Variants in RALGAPA2 observed in about 807,000 individuals in gnomAD.
The protein encoded by RALGAPA2 is ral GTPase-activating protein subunit alpha-2.
A neutral mutation model predicts 230.4 loss-of-function variants in RALGAPA2; 139 were observed. The observed-to-expected ratio is 0.60, with a 90% CI of 0.53 to 0.69. The LOEUF is 0.69. RALGAPA2 is among the 30% of genes least tolerant of loss of function. RALGAPA2 has a pLI of 0.00. For synonymous variants in RALGAPA2, 847 were observed against 837.8 expected, an observed-to-expected ratio of 1.01 and a Z score of -0.19; for missense variants, 2,163 against 2,276.0, an observed-to-expected ratio of 0.95 and a Z score of 1.01.
Position 20,524,864 on chromosome 20 carries a change from C to G in RALGAPA2, c.3728G>C (p.Ser1243Thr), listed in dbSNP as rs1200016600. 6.2e-7 allele frequency: 1 copy of G among 1,610,928 alleles called. No homozygotes were observed. The highest frequency in any genetic ancestry group is 8.5e-7 in the Non-Finnish European group (1 of 1,178,510). ...LVATVAFLLP[S>T]AEYSSVETDK... ...TGTTTCCACTGAGGAGTACTCTGCA[C>G]TTGGTAAAAGAAAAGCAACTGTGGC... Residue 1243 changes from serine (S) to threonine (T), a missense_variant, in exon 29 of 40, where the codon AGT becomes ACT. By Grantham distance (58) the Ser-to-Thr change is moderately conservative. Coordinates refer to ENST00000202677, the MANE Select transcript of RALGAPA2 (RefSeq NM_020343.4).
chr20:20,448,085 A>G (rs552965649), intron 37 of RALGAPA2, among the ~76,000 whole-genome samples: 3 of 152,348 alleles, frequency 2.0e-5, no homozygotes, highest in South Asian at 4.1e-4. Flanking sequence ...TGAGAACACA[A>G]ATATAGTCCC....
intron 6 of RALGAPA2, 34 bp downstream of exon 6, chr20:20,640,667 A>C: frequency 1.9e-6 from 3 of 1,559,780 alleles, no homozygotes; most frequent in Non-Finnish European, 2.6e-6. Flanking sequence ...TTCAAGAGTA[A>C]TTTCAACATG....
chr20:20,427,125 A>C (rs928070), intron 37 of RALGAPA2, among the ~76,000 whole-genome samples: 91,796 of 151,926 alleles, frequency 0.6, 27,716 homozygotes, highest in African/African-American at 0.64. Context: ...AGTGAGGCCA[A>C]AACTAGCAGA....
intron 1 of RALGAPA2, among the ~76,000 whole-genome samples, chr20:20,703,982 AC>A (rs769126499): frequency 6.6e-6 from 1 of 152,228 alleles, no homozygotes; most frequent in Non-Finnish European, 1.5e-5. Flanking sequence ...AGGAAAAAAA[AC>A]AAAGCCTTCC....
chr20:20,500,044 T>C (rs890766089), intron 35 of RALGAPA2, among the ~76,000 whole-genome samples: 16 of 152,226 alleles, frequency 1.1e-4, no homozygotes, highest in African/African-American at 3.9e-4. Context: ...TTACCATATG[T>C]ATATTAATAA....
At chr20:20,473,694 T>C (rs1052367474) in intron 36 of RALGAPA2, among the ~76,000 whole-genome samples, 8 of 152,224 alleles carry the variant, frequency 5.3e-5, no homozygotes, top group African/African-American at 7.2e-5. Context: ...ATTTCTGTTA[T>C]GTGGAAAACT....
intron 39 of RALGAPA2, among the ~76,000 whole-genome samples, chr20:20,393,947 G>T (rs906148612): frequency 6.6e-6 from 1 of 152,278 alleles, no homozygotes; most frequent in Middle Eastern, 3.4e-3. Flanking sequence ...GCACCGTTCT[G>T]CGAGCGAGAG....
intron 37 of RALGAPA2, among the ~76,000 whole-genome samples, chr20:20,440,617 G>A (rs902629046): frequency 6.6e-6 from 1 of 152,136 alleles, no homozygotes; most frequent in African/African-American, 2.4e-5. Flanking sequence ...AAGAAAGCCC[G>A]CGCTCTGGTT....
In RALGAPA2 at chr20:20,505,547, A is replaced by C; in HGVS notation, c.4929-13T>G. On this transcript the variant is annotated splice_polypyrimidine_tract_variant and intron_variant, in intron 33 of 39. Coordinates refer to ENST00000202677, the MANE Select transcript of RALGAPA2 (RefSeq NM_020343.4). Reference sequence around the variant, plus strand: ...GTGTGTCTCACGGCTATAAATTTTTAAATTTAAAGGAGTTAGAATTCTTAT... The same window carrying C: ...GTGTGTCTCACGGCTATAAATTTTTCAATTTAAAGGAGTTAGAATTCTTAT... 1.3e-6 allele frequency: 2 copies of C among 1,549,072 alleles called. No individual in the cohort carries two copies. Among genetic ancestry groups the C allele is most frequent in the Non-Finnish European group, 1.7e-6 (2 of 1,151,204 alleles).
intron 23 of RALGAPA2, among the ~76,000 whole-genome samples, chr20:20,548,518 C>G (rs2063835011): frequency 6.6e-6 from 1 of 151,720 alleles, no homozygotes; most frequent in African/African-American, 2.4e-5. Flanking sequence ...GACTTTTTTC[C>G]TACATCAGAA....
intron 37 of RALGAPA2, among the ~76,000 whole-genome samples, chr20:20,464,799 C>A (rs1189556098): frequency 1.3e-5 from 2 of 151,764 alleles, no homozygotes; most frequent in Non-Finnish European, 2.9e-5. Context: ...CACAAAACAC[C>A]CAGTAAGAAG....
At chr20:20,642,363 A>C (rs1440204123) in intron 5 of RALGAPA2, among the ~76,000 whole-genome samples, 38 of 151,938 alleles carry the variant, frequency 2.5e-4, no homozygotes, top group Admixed American at 2.5e-3. Context: ...GGCGTATGCC[A>C]CCATGCCCGG....
At chr20:20,650,287 C>T (rs1175405160) in intron 4 of RALGAPA2, among the ~76,000 whole-genome samples, 1 of 152,184 alleles carries the variant, frequency 6.6e-6, no homozygotes, top group African/African-American at 2.4e-5. Context: ...TCTCTGTTTT[C>T]TACAGACAAA....
chr20:20,565,123 C>T (rs1277106277), intron 23 of RALGAPA2, among the ~76,000 whole-genome samples: 1 of 152,146 alleles, frequency 6.6e-6, no homozygotes, highest in Non-Finnish European at 1.5e-5. Context: ...AAATCACTTG[C>T]TGTACAGAAT....
At chr20:20,641,584 T>TA (rs1272609063) in intron 5 of RALGAPA2, among the ~76,000 whole-genome samples, 1 of 152,014 alleles carries the variant, frequency 6.6e-6, no homozygotes, top group East Asian at 1.9e-4. Context: ...TCTTTACACT[T>TA]CAAATTTATC....
intron 37 of RALGAPA2, among the ~76,000 whole-genome samples, chr20:20,455,730 C>G (rs577376142): frequency 6.6e-6 from 1 of 152,260 alleles, no homozygotes; most frequent in East Asian, 1.9e-4. Flanking sequence ...AAAGCTGATG[C>G]CTTCCCCTAC....
At chr20:20,569,797 A>C (rs537868262) in intron 23 of RALGAPA2, among the ~76,000 whole-genome samples, 3 of 152,272 alleles carry the variant, frequency 2.0e-5, no homozygotes, top group South Asian at 4.1e-4. Context: ...TCTAAGGAAC[A>C]TTGTTTACTG....
chr20:20,689,645 A>G (rs2068830651), intron 1 of RALGAPA2, among the ~76,000 whole-genome samples: 1 of 152,260 alleles, frequency 6.6e-6, no homozygotes, highest in African/African-American at 2.4e-5. Flanking sequence ...CGTCTCAAAA[A>G]GATAAAAATA....
chr20:20,609,469 C>A (rs1395063002), intron 14 of RALGAPA2, among the ~76,000 whole-genome samples: 1 of 152,086 alleles, frequency 6.6e-6, no homozygotes, highest in East Asian at 1.9e-4. Context: ...TAATATCTGA[C>A]AAGGTTTTCT....
Sources: gnomAD v4.1 joint callset for allele counts (sites outside exome capture counted in the v4.1 genomes callset) on GRCh38, gnomAD v4.1.1 for gene constraint, MANE v1.5 for transcripts, NCBI Gene and HGNC (gene_info 2026-07-23, HGNC 2026-07-21) for gene names.